The following PES1 variants were observed in gnomAD, a reference collection of about 807,000 sequenced individuals.
PES1 encodes pescadillo homolog.
In PES1, 31 loss-of-function variants were observed where a neutral mutation model predicts 77.1. That is an observed-to-expected ratio of 0.40 (90% CI 0.30 to 0.54). The LOEUF (loss-of-function observed/expected upper bound fraction) is 0.54, where lower values mean the gene tolerates loss of function less well. Among genes scored for constraint, PES1 ranks in the 20% least tolerant of loss-of-function variants. The pLI is 0.45. For missense variants in PES1, 658 were observed against 771.7 expected, an observed-to-expected ratio of 0.85 and a Z score of 1.75; for synonymous variants, 282 against 303.0, an observed-to-expected ratio of 0.93 and a Z score of 0.72.
chr22:30,603,370 T>G (rs1156510859), intron 2 of PES1, among the ~76,000 whole-genome samples: 1 of 151,864 alleles, frequency 6.6e-6, no homozygotes, highest in Non-Finnish European at 1.5e-5. Flanking sequence ...TTCTTTCTGT[T>G]TTTGTTTGTT....
chr22:30,586,517 T>C (rs1247369054), intron 4 of PES1, among the ~76,000 whole-genome samples: 1 of 152,210 alleles, frequency 6.6e-6, no homozygotes, highest in Non-Finnish European at 1.5e-5. Context: ...GACTATTCTA[T>C]GTTGTGGGGG....
chr22:30,601,239 T>C (rs998383845), intron 2 of PES1, among the ~76,000 whole-genome samples: 4 of 152,102 alleles, frequency 2.6e-5, no homozygotes, highest in African/African-American at 9.7e-5. Context: ...CAGCTGGTAT[T>C]GTTAGACAGC....
chr22:30,603,064 C>A (rs147278488), intron 2 of PES1, among the ~76,000 whole-genome samples: 16 of 152,128 alleles, frequency 1.1e-4, no homozygotes, highest in Middle Eastern at 3.4e-3. Context: ...GAGCCCACCA[C>A]CAGGCGCAGC....
intron 2 of PES1, among the ~76,000 whole-genome samples, chr22:30,598,833 G>A (rs34236034): frequency 0.18 from 25,041 of 142,870 alleles, 2,239 homozygotes; most frequent in Middle Eastern, 0.2. Context: ...ATAAATACTC[G>A]TAAATTAAGA....
chr22:30,588,911 A>G (rs2087134705), intron 2 of PES1, among the ~76,000 whole-genome samples: 2 of 152,180 alleles, frequency 1.3e-5, no homozygotes, highest in South Asian at 4.1e-4. Flanking sequence ...TAGTTGCAGG[A>G]TCAGGGGTCT....
At chr22:30,604,608 C>T (rs2087408236) in intron 2 of PES1, among the ~76,000 whole-genome samples, 1 of 149,078 alleles carries the variant, frequency 6.7e-6, no homozygotes, top group South Asian at 2.2e-4. Flanking sequence ...CCAGCCTGGG[C>T]AACGAGTGAG....
At chr22:30,580,935 T>C in intron 9 of PES1, 77 bp downstream of exon 9, 1 of 1,306,164 alleles carries the variant, frequency 7.7e-7, no homozygotes, top group East Asian at 2.4e-5. Context: ...AATTATAGGA[T>C]GCAAATGTCC....
At chr22:30,591,647 GCCAT>G in intron 1 of PES1, 159 bp downstream of exon 1, 2 of 705,600 alleles carry the variant, frequency 2.8e-6, no homozygotes, top group Non-Finnish European at 4.5e-6. Flanking sequence ...AACGAATACT[GCCAT>G]CCTTGTCCAT....
upstream of PES1, among the ~76,000 whole-genome samples, chr22:30,595,696 C>A (rs1303396004): frequency 6.6e-6 from 1 of 152,130 alleles, no homozygotes; most frequent in Non-Finnish European, 1.5e-5. Flanking sequence ...TTCCCTGCAT[C>A]CAGACCCTGC....
At position 30,579,243 on chromosome 22, in the gene PES1, T is replaced by C; in HGVS notation, c.1415A>G (p.Asp472Gly). Reference protein sequence around the residue: ...EEDDNNEGDGDEEGENEEEEE... With the variant: ...EEDDNNEGDGGEEGENEEEEE... ...CTCCTCCTCATTTTCTCCCTCTTCA[T>C]CACCATCACCTTCGTTGTTGTCGTC... The change falls in exon 13 of 15, where the codon GAT (aspartate) becomes GGT (glycine). Residue 472 changes from aspartate (D) to glycine (G), a missense_variant. By Grantham distance (94) the Asp-to-Gly change is moderately conservative (BLOSUM62 -1). Coordinates refer to ENST00000354694, the MANE Select transcript of PES1 (RefSeq NM_014303.4). The C allele has an allele frequency of 1.2e-6, 2 of 1,604,356 alleles. No individual in the cohort carries two copies. The highest frequency in any genetic ancestry group is 1.7e-6 in the Non-Finnish European group (2 of 1,179,282).
chr22:30,597,947 C>G (rs35062974), intron 2 of PES1, among the ~76,000 whole-genome samples: 85,259 of 143,230 alleles, frequency 0.6, 25,767 homozygotes, highest in Middle Eastern at 0.67. Context: ...GCAGTGGCGG[C>G]ATCTCGGCTC....
In PES1 at chr22:30,578,921, C is replaced by T; in HGVS notation, c.1599G>A (p.Lys533=). The T allele has an allele frequency of 2.5e-6, 4 of 1,613,684 alleles. No homozygotes were observed. The highest frequency in any genetic ancestry group is 3.4e-6 in the Non-Finnish European group (4 of 1,180,022). The change falls in exon 14 of 15, where the codon AAG becomes AAA. Residue 533 remains lysine (K), a synonymous_variant. Transcript: ENST00000354694. Reference sequence around the variant, plus strand: ...TCTTCATCATCATAATGGCCAGGCGCTTGGCCTCACTCTCCTCCTCCTGGG... The same window carrying T: ...TCTTCATCATCATAATGGCCAGGCGTTTGGCCTCACTCTCCTCCTCCTGGG... The part of the protein sequence containing the change: ...RLAQEEESEA[K]RLAIMMMKKR...
chr22:30,601,948 T>A (rs1004632456), intron 2 of PES1: 2 of 152,090 alleles, frequency 1.3e-5, no homozygotes, highest in African/African-American at 4.8e-5. Context: ...AATTTTTGTA[T>A]TTTTAGTAGA....
At position 30,589,241 on chromosome 22, in the gene PES1, G is replaced by T; in HGVS notation, c.54C>A (p.Ile18=). The part of the protein sequence containing the change: ...KYERGSATNY[I]TRNKARKKLQ... ...GCTTCTTCCGGGCTTTGTTCCGGGT[G>T]ATGTAGTTGGTGGCCGAGCCTCGTT... Residue 18 remains isoleucine, a synonymous_variant, in exon 2 of 15, where the codon ATC becomes ATA. Coordinates refer to ENST00000354694, the MANE Select transcript of PES1 (RefSeq NM_014303.4). 2.5e-6 allele frequency: 4 copies of T among 1,613,990 alleles called. No individual in the cohort carries two copies. Among genetic ancestry groups the T allele is most frequent in the Non-Finnish European group, 3.4e-6 (4 of 1,179,964 alleles).
chr22:30,591,756 TC>T, intron 1 of PES1, 53 bp downstream of exon 1: 1 of 1,541,056 alleles, frequency 6.5e-7, no homozygotes, highest in South Asian at 1.2e-5. Context: ...GACCCCATGC[TC>T]TGCCGCCCCC....
At chr22:30,585,034 C>T (rs2087056523) in intron 4 of PES1, among the ~76,000 whole-genome samples, 1 of 152,168 alleles carries the variant, frequency 6.6e-6, no homozygotes, top group Admixed American at 6.5e-5. Context: ...GAGTCAGGGG[C>T]TCTATGACTC....
At chr22:30,590,409 A>C (rs1398165837) in intron 1 of PES1, among the ~76,000 whole-genome samples, 1 of 152,230 alleles carries the variant, frequency 6.6e-6, no homozygotes, top group Non-Finnish European at 1.5e-5. Flanking sequence ...AGTCTCCCAC[A>C]GGTACGTTTA....
At chr22:30,581,792 G>T (rs1255327328) in intron 6 of PES1, 148 bp from the exon 7 acceptor site, 4 of 647,412 alleles carry the variant, frequency 6.2e-6, no homozygotes, top group Admixed American at 4.7e-5. Context: ...CTGCCCTAGG[G>T]AAGGGGTGGC....
At chr22:30,606,906 G>A (rs570302994) in exon 1 of PES1, 21 of 1,062,736 alleles carry the variant, frequency 2.0e-5, no homozygotes, top group East Asian at 8.1e-5. Context: ...GTAGGCACCC[G>A]GTCCTGCCAA....
Sources: gnomAD v4.1 joint callset for allele counts (sites outside exome capture counted in the v4.1 genomes callset) on GRCh38, gnomAD v4.1.1 for gene constraint, MANE v1.5 for transcripts, NCBI Gene and HGNC (gene_info 2026-07-23, HGNC 2026-07-21) for gene names.